SORBS2: variants seen among roughly 807,000 people sequenced by gnomAD.
The protein encoded by SORBS2 is sorbin and SH3 domain-containing protein 2.
Under a neutral mutation model 97.7 loss-of-function variants are expected in SORBS2, and 46 were observed. The ratio of observed to expected loss-of-function variants is 0.47; its 90% CI spans 0.37 to 0.60. The LOEUF (loss-of-function observed/expected upper bound fraction) is 0.60, where lower values mean the gene tolerates loss of function less well. SORBS2 is among the 20% of genes least tolerant of loss of function. The pLI, the probability that SORBS2 is intolerant of heterozygous loss-of-function variation, is 0.00. For synonymous variants in SORBS2, 476 were observed against 473.4 expected, an observed-to-expected ratio of 1.01 and a Z score of -0.07; for missense variants, 1,316 against 1,282.3, an observed-to-expected ratio of 1.03 and a Z score of -0.40.
Position 185,768,821 on chromosome 4 carries a change from C to G in SORBS2, c.-198+6406G>C, listed in dbSNP as rs191364104. On this transcript the variant is annotated intron_variant, in intron 2 of 20. Transcript: ENST00000284776. ...CATGTGGCCTGTTCTTCTGAAAAAG[C>G]AAGAAAGGTTATCTTTATACACCAG... is the stretch of plus-strand genomic sequence containing the variant. 5.3e-5 allele frequency among the ~76,000 whole-genome samples: 8 copies of G among 151,834 alleles called. No individual in the cohort carries two copies. The East Asian group carries it at 1.4e-3, about 26-fold the overall frequency.
At chr4:185,827,276 CCAT>C (rs2099201108) in intron 1 of SORBS2, among the ~76,000 whole-genome samples, 7 of 4,836 alleles carry the variant, frequency 1.4e-3, no homozygotes, top group East Asian at 5.9e-3. Context: ...ACCATCATCA[CCAT>C]CATCATCACC....
At chr4:185,942,090 G>T (rs1409534490) in intron 1 of SORBS2, among the ~76,000 whole-genome samples, 1 of 152,028 alleles carries the variant, frequency 6.6e-6, no homozygotes, top group Non-Finnish European at 1.5e-5. Context: ...CACTCCAGCT[G>T]GGGTGACAGA....
chr4:185,623,468 T>C lies in SORBS2; in HGVS notation c.1661A>G (p.His554Arg), dbSNP rs562339021. Residue 554 changes from histidine (H) to arginine (R), a missense_variant, in exon 7 of 15, where the codon CAC (histidine) becomes CGC (arginine). Physicochemically the swap from His to Arg is conservative, Grantham distance 29. Transcript: ENST00000418609. This position sits in a 1 kb window ranked among gnomAD's most constrained non-coding sequence, Gnocchi z 6.4. Reference sequence around the variant, plus strand: ...TTTGCAGGAGCTGATGAGGTGGCGGTGGTGGTGGTGGTGGTGATGGTGGTG... The same window carrying C: ...TTTGCAGGAGCTGATGAGGTGGCGGCGGTGGTGGTGGTGGTGATGGTGGTG... The C allele has an allele frequency of 4.2e-5, 67 of 1,607,666 alleles. No individual in the cohort carries two copies. The highest frequency in any genetic ancestry group is 7.8e-5 in the South Asian group (7 of 90,142).
At chr4:185,778,404 T>TCCACGGACCA in intron 1 of SORBS2, among the ~76,000 whole-genome samples, 1 of 152,200 alleles carries the variant, frequency 6.6e-6, no homozygotes, top group South Asian at 2.1e-4. Flanking sequence ...AAAAAAGTAG[T>TCCACGGACCA]CCACGGACCA....
intron 1 of SORBS2, among the ~76,000 whole-genome samples, chr4:185,872,038 G>A (rs773172922): frequency 5.9e-5 from 9 of 152,230 alleles, no homozygotes; most frequent in African/African-American, 1.4e-4. Context: ...AAAACTTTAC[G>A]TGTGTAAATT....
At chr4:185,676,855 T>C (rs951433207) in intron 4 of SORBS2, 31 of 663,766 alleles carry the variant, frequency 4.7e-5, no homozygotes, top group Non-Finnish European at 7.0e-5. Flanking sequence ...GGGTTTTAAA[T>C]TGGAAAATGG....
rs1364794637 is a variant in SORBS2 at position 185,684,839 on chromosome 4, A to G, written c.-197-6017T>C. 1.3e-6 allele frequency: 2 copies of G among 1,551,696 alleles called. No homozygotes were observed. Among genetic ancestry groups the G allele is most frequent in the Non-Finnish European group, 1.7e-6 (2 of 1,146,972 alleles). ...TGGCGGCACGTTTGCGAGCACACCC[A>G]CCGCTATCTGGAAGCAAAAAAATGA... On this transcript the variant is annotated intron_variant, in intron 2 of 20. Coordinates refer to the SORBS2 transcript ENST00000284776. This position sits in a 1 kb window ranked among gnomAD's most constrained non-coding sequence, Gnocchi z 4.2.
At chr4:185,860,190 G>A (rs566433420) in intron 1 of SORBS2, among the ~76,000 whole-genome samples, 12 of 152,272 alleles carry the variant, frequency 7.9e-5, no homozygotes, top group South Asian at 6.2e-4. Flanking sequence ...TCATTTATTC[G>A]GGAAGCAACT....
chr4:185,770,148 G>A (rs1279980825), intron 2 of SORBS2, among the ~76,000 whole-genome samples: 2 of 150,652 alleles, frequency 1.3e-5, no homozygotes, highest in Non-Finnish European at 2.9e-5. Flanking sequence ...GCACGATCTC[G>A]GCTCACTGCA....
At chr4:185,888,670 C>T (rs2099240903) in intron 1 of SORBS2, among the ~76,000 whole-genome samples, 1 of 152,192 alleles carries the variant, frequency 6.6e-6, no homozygotes, top group African/African-American at 2.4e-5. Flanking sequence ...TTGGGAATTT[C>T]CTTCCCCATC....
chr4:185,769,251 T>A (rs893320562), intron 2 of SORBS2, among the ~76,000 whole-genome samples: 1 of 152,228 alleles, frequency 6.6e-6, no homozygotes, highest in African/African-American at 2.4e-5. Context: ...GCTTATGTTA[T>A]ATGTAGTGTA....
At position 185,624,208 on chromosome 4, in the gene SORBS2, T is replaced by C. The variant is rs751864473; in HGVS notation, c.921A>G (p.Glu307=). The C allele has an allele frequency of 1.6e-5, 26 of 1,614,110 alleles. 1 individual carries two copies. Among genetic ancestry groups the C allele is most frequent in the Middle Eastern group, 1.6e-4 (1 of 6,084 alleles). ...CCTCACATAACAGGGAGCCCATGCT[T>C]TCCGACTTGACTTTCGGGTCCGGGA... is the stretch of plus-strand genomic sequence containing the variant. The change falls in exon 7 of 15, where the codon GAA becomes GAG. Residue 307 remains glutamate (E), a synonymous_variant. Coordinates refer to ENST00000418609, the Ensembl canonical transcript of SORBS2.
At chr4:185,601,080 G>T (rs1026861569) in intron 12 of SORBS2, among the ~76,000 whole-genome samples, 2 of 152,194 alleles carry the variant, frequency 1.3e-5, no homozygotes, top group African/African-American at 2.4e-5. Context: ...TTAAATAAAA[G>T]CATGTGGTTT....
intron 8 of SORBS2, among the ~76,000 whole-genome samples, chr4:185,619,551 A>T (rs996496510): frequency 2.0e-5 from 3 of 152,228 alleles, no homozygotes; most frequent in African/African-American, 7.2e-5. Context: ...GGCCCTGGAC[A>T]GAGTTCAGTT....
chr4:185,698,346 C>T (rs553427232), intron 2 of SORBS2, among the ~76,000 whole-genome samples: 17 of 152,250 alleles, frequency 1.1e-4, no homozygotes, highest in Non-Finnish European at 2.4e-4. Context: ...CATGGTGGCA[C>T]ATGCCTGTAG....
intron 4 of SORBS2, 74 bp downstream of exon 14, chr4:185,638,793 GGGAGTCGCCA>G: frequency 7.7e-7 from 1 of 1,292,746 alleles, no homozygotes; most frequent in Non-Finnish European, 1.0e-6. Context: ...CCGGGGGAGT[GGGAGTCGCCA>G]GGCTCTGAGC....
chr4:185,689,530 G>A (rs999717380), intron 2 of SORBS2, among the ~76,000 whole-genome samples: 2 of 152,116 alleles, frequency 1.3e-5, no homozygotes, highest in Non-Finnish European at 2.9e-5. Flanking sequence ...TGTTTTGACT[G>A]TCTCCAGTAT....
At chr4:185,616,058 G>A (rs2096621320) in intron 9 of SORBS2, among the ~76,000 whole-genome samples, 1 of 152,240 alleles carries the variant, frequency 6.6e-6, no homozygotes, top group South Asian at 2.1e-4. Context: ...TGGATGGAGG[G>A]CGATTAATTT....
intron 1 of SORBS2, among the ~76,000 whole-genome samples, chr4:185,915,752 C>T (rs545352798): frequency 1.3e-4 from 20 of 151,978 alleles, no homozygotes; most frequent in Non-Finnish European, 2.5e-4. Flanking sequence ...TTAATACTCA[C>T]TCTACTGAAT....
Sources: gnomAD v4.1 joint callset for allele counts (sites outside exome capture counted in the v4.1 genomes callset) on GRCh38, gnomAD v4.1.1 for gene constraint, Gnocchi (gnomAD v3.1) non-coding constraint, MANE v1.5 for transcripts, NCBI Gene and HGNC (gene_info 2026-07-23, HGNC 2026-07-21) for gene names.